The following GRM8 variants were observed in gnomAD, a reference collection of about 807,000 sequenced individuals.
The protein encoded by GRM8 is glutamate metabotropic receptor 8.
Under a neutral mutation model 87.2 loss-of-function variants are expected in GRM8, and 47 were observed. That is an observed-to-expected ratio of 0.54 (90% confidence interval 0.43 to 0.69). GRM8 has a LOEUF of 0.69. Among genes scored for constraint, GRM8 ranks in the 30% least tolerant of loss-of-function variants. GRM8 has a pLI of 0.00. For missense variants in GRM8, 1,019 were observed against 1,139.2 expected, an observed-to-expected ratio of 0.89 and a Z score of 1.52; for synonymous variants, 396 against 404.5, an observed-to-expected ratio of 0.98 and a Z score of 0.25.
chr7:126,536,587 T>C (rs960542837), intron 8 of GRM8, among the ~76,000 whole-genome samples: 1 of 152,076 alleles, frequency 6.6e-6, no homozygotes, highest in Admixed American at 6.6e-5. Flanking sequence ...TTTATTTACT[T>C]ATAAGATTAC....
intron 7 of GRM8, among the ~76,000 whole-genome samples, chr7:126,750,844 A>T (rs1244204342): frequency 1.3e-5 from 2 of 152,066 alleles, no homozygotes; most frequent in African/African-American, 2.4e-5. Context: ...GCTTCTACAA[A>T]AGCAGTTATC....
At chr7:126,698,203 G>A (rs561028158) in intron 7 of GRM8, among the ~76,000 whole-genome samples, 12 of 152,192 alleles carry the variant, frequency 7.9e-5, no homozygotes, top group East Asian at 1.9e-4. Context: ...ATACTCTGGT[G>A]AAACCCTCAC....
At chr7:126,575,622 G>GA (rs1249126483) in intron 8 of GRM8, among the ~76,000 whole-genome samples, 6 of 151,648 alleles carry the variant, frequency 4.0e-5, no homozygotes, top group South Asian at 4.2e-4. Flanking sequence ...CTTAAGGTAA[G>GA]AAAAAAAATT....
At chr7:127,017,238 T>C (rs113709119) in intron 3 of GRM8, among the ~76,000 whole-genome samples, 1,673 of 152,150 alleles carry the variant, frequency 0.011, 27 homozygotes, top group African/African-American at 0.037. Context: ...GTAGCTAAGT[T>C]CTCTTAAATT....
chr7:127,233,001 C>A (rs1038809006), intron 2 of GRM8, among the ~76,000 whole-genome samples: 1 of 152,032 alleles, frequency 6.6e-6, no homozygotes, highest in African/African-American at 2.4e-5. Flanking sequence ...CCATGCCCAG[C>A]TAATTTTGTA....
chr7:126,837,420 A>G (rs1181992069), intron 6 of GRM8, among the ~76,000 whole-genome samples: 2 of 152,274 alleles, frequency 1.3e-5, no homozygotes, highest in African/African-American at 2.4e-5. Context: ...ATATGCAAAT[A>G]TGCCTTGACA....
At chr7:126,775,479 GTTTTTTTTTT>G (rs372733476) in intron 6 of GRM8, among the ~76,000 whole-genome samples, 11 of 104,756 alleles carry the variant, frequency 1.1e-4, no homozygotes, top group East Asian at 6.0e-4. Flanking sequence ...TGACAAATAG[GTTTTTTTTTT>G]TTTTTTTTTT....
intron 2 of GRM8, among the ~76,000 whole-genome samples, chr7:127,117,721 T>C (rs1420085571): frequency 6.6e-6 from 1 of 152,228 alleles, no homozygotes; most frequent in Non-Finnish European, 1.5e-5. Flanking sequence ...CTCATTCCCA[T>C]CACTGCTGAC....
In GRM8 at chr7:126,685,280, G is replaced by C. The variant is rs914694601; in HGVS notation, c.1358-75782C>G. On this transcript the variant is annotated intron_variant, in intron 7 of 10. Coordinates refer to ENST00000339582, the MANE Select transcript of GRM8 (RefSeq NM_000845.3). The surrounding 1 kb of genome is among the most constrained non-coding windows in gnomAD (Gnocchi z 4.2). ...AGTTGCCTACAGGCAGGGGAACAAT[G>C]TGGTTGGGCACAGAGGGGTGACCAG... Among the ~76,000 whole-genome samples, 3 of 152,180 alleles carry C rather than the reference G, an allele frequency of 2.0e-5. No homozygotes were observed. Among genetic ancestry groups the C allele is most frequent in the Non-Finnish European group, 4.4e-5 (3 of 68,022 alleles).
intron 10 of GRM8, among the ~76,000 whole-genome samples, chr7:126,441,941 C>G (rs1801515335): frequency 6.6e-6 from 1 of 151,850 alleles, no homozygotes. Context: ...ATTGTGGCAC[C>G]CTGCAAAGGA....
At chr7:126,536,405 T>C (rs1007132367) in intron 8 of GRM8, among the ~76,000 whole-genome samples, 7 of 152,180 alleles carry the variant, frequency 4.6e-5, no homozygotes, top group African/African-American at 1.7e-4. Context: ...AGACTTTGTG[T>C]CTTTAATTTC....
At chr7:126,635,956 A>G (rs1801810587) in intron 7 of GRM8, among the ~76,000 whole-genome samples, 1 of 152,178 alleles carries the variant, frequency 6.6e-6, no homozygotes, top group Non-Finnish European at 1.5e-5. Context: ...TTCTTGTACT[A>G]GAAAGTTGAT....
chr7:126,594,445 T>G (rs182524638), intron 8 of GRM8, among the ~76,000 whole-genome samples: 1 of 152,028 alleles, frequency 6.6e-6, no homozygotes, highest in Non-Finnish European at 1.5e-5. Flanking sequence ...AAAACTTGCA[T>G]GAAGCTAGAG....
intron 6 of GRM8, among the ~76,000 whole-genome samples, chr7:126,901,959 T>C (rs1802122509): frequency 6.6e-6 from 1 of 152,158 alleles, no homozygotes; most frequent in Admixed American, 6.5e-5. Flanking sequence ...ATGCGAGTTT[T>C]TTTTCTATGT....
intron 3 of GRM8, among the ~76,000 whole-genome samples, chr7:127,051,285 A>G (rs981629293): frequency 2.0e-5 from 3 of 152,186 alleles, no homozygotes; most frequent in African/African-American, 7.2e-5. Context: ...TGATTCTGAT[A>G]CATGTTAAGA....
intron 2 of GRM8, among the ~76,000 whole-genome samples, chr7:127,171,877 G>A (rs1793822852): frequency 6.6e-6 from 1 of 152,154 alleles, no homozygotes; most frequent in South Asian, 2.1e-4. Flanking sequence ...CCAGACACAT[G>A]CAGTCTTGGA....
At chr7:126,959,977 C>T (rs999097976) in intron 3 of GRM8, among the ~76,000 whole-genome samples, 1 of 152,116 alleles carries the variant, frequency 6.6e-6, no homozygotes, top group South Asian at 2.1e-4. Context: ...TATTACAATG[C>T]CTATCAAACT....
intron 7 of GRM8, among the ~76,000 whole-genome samples, chr7:126,758,882 T>A (rs1042670002): frequency 2.0e-5 from 3 of 151,946 alleles, no homozygotes; most frequent in Non-Finnish European, 4.4e-5. Flanking sequence ...TGTCCCTCAC[T>A]TTTTCTTTCT....
chr7:126,528,277 GGT>G (rs1274283157), intron 9 of GRM8, among the ~76,000 whole-genome samples: 32 of 152,136 alleles, frequency 2.1e-4, no homozygotes, highest in African/African-American at 7.5e-4. Flanking sequence ...GCTCAGATAT[GGT>G]CTAAATGGCA....
Sources: allele counts gnomAD v4.1 joint callset (sites outside exome capture counted in the v4.1 genomes callset), GRCh38; gene constraint gnomAD v4.1.1; non-coding constraint Gnocchi (gnomAD v3.1); transcripts MANE v1.5; gene names NCBI Gene and HGNC (gene_info 2026-07-23, HGNC 2026-07-21).